The following HIVEP3 variants were observed in gnomAD, a reference collection of about 807,000 sequenced individuals.
The protein encoded by HIVEP3 is HIVEP zinc finger 3.
In HIVEP3, 49 loss-of-function variants were observed where a neutral mutation model predicts 152.8. The ratio of observed to expected loss-of-function variants is 0.32; its 90% confidence interval spans 0.26 to 0.41. HIVEP3 has a LOEUF of 0.41. Ranked by LOEUF, HIVEP3 falls within the 10% of genes least tolerant of loss-of-function variation. HIVEP3 has a pLI of 1.00. For missense variants in HIVEP3, 2,790 were observed against 3,103.3 expected, an observed-to-expected ratio of 0.90 and a Z score of 2.40; for synonymous variants, 1,269 against 1,289.0, an observed-to-expected ratio of 0.98 and a Z score of 0.33.
chr1:41,839,985 C>T (rs906251742), intron 1 of HIVEP3, among the ~76,000 whole-genome samples: 2 of 152,204 alleles, frequency 1.3e-5, no homozygotes, highest in African/African-American at 4.8e-5. Flanking sequence ...TCCTTAGCCA[C>T]ACTGGGCATA....
chr1:41,881,737 A>G (rs909290882), intron 1 of HIVEP3, among the ~76,000 whole-genome samples: 1 of 152,252 alleles, frequency 6.6e-6, no homozygotes. Context: ...CACTCAGCCC[A>G]GGGCATGCTC....
At chr1:41,569,190 C>T (rs1278246066) in intron 5 of HIVEP3, among the ~76,000 whole-genome samples, 27 of 152,156 alleles carry the variant, frequency 1.8e-4, no homozygotes, top group Non-Finnish European at 3.4e-4. Context: ...TATAAATTTC[C>T]CAGTCTTCAG....
chr1:41,511,693 C>G lies in HIVEP3; in HGVS notation c.6406-427G>C, dbSNP rs1445717337. On this transcript the variant is annotated intron_variant, in intron 8 of 8. Coordinates refer to ENST00000372583, the MANE Select transcript of HIVEP3 (RefSeq NM_024503.5). This position sits in a 1 kb window ranked among gnomAD's most constrained non-coding sequence, Gnocchi z 4.9. The stretch of plus-strand genomic sequence containing the variant: ...CTGAGGCTCTTTGCCCTTCTGCTAC[C>G]TCCAGGAATTTGAATGTGAACCCAA... Among the ~76,000 whole-genome samples, 1 of 152,184 alleles carries G rather than the reference C, an allele frequency of 6.6e-6. No homozygotes were observed. Among genetic ancestry groups the G allele is most frequent in the Admixed American group, 6.5e-5 (1 of 15,282 alleles).
chr1:41,521,734 T>C (rs1019916440), intron 6 of HIVEP3, among the ~76,000 whole-genome samples: 1 of 152,128 alleles, frequency 6.6e-6, no homozygotes, highest in African/African-American at 2.4e-5. Context: ...AGGCGGAACC[T>C]CCGATAAAAG....
chr1:41,962,797 A>G (rs1645176003), intron 1 of HIVEP3, among the ~76,000 whole-genome samples: 1 of 152,198 alleles, frequency 6.6e-6, no homozygotes, highest in Admixed American at 6.5e-5. Flanking sequence ...GCATTTTATC[A>G]CTACTACCCT....
chr1:41,608,826 C>T (rs1644857310), intron 3 of HIVEP3, among the ~76,000 whole-genome samples: 1 of 151,158 alleles, frequency 6.6e-6, no homozygotes, highest in African/African-American at 2.4e-5. Flanking sequence ...AATCCCAGCA[C>T]TTTGGGAGGC....
intron 1 of HIVEP3, among the ~76,000 whole-genome samples, chr1:42,023,335 G>A (rs1269599540): frequency 2.0e-5 from 3 of 152,212 alleles, no homozygotes; most frequent in African/African-American, 7.2e-5. Context: ...TAATGTTTTT[G>A]GAATTTTATT....
chr1:41,911,468 A>G (rs1322814830), intron 1 of HIVEP3, among the ~76,000 whole-genome samples: 1 of 152,220 alleles, frequency 6.6e-6, no homozygotes, highest in Non-Finnish European at 1.5e-5. Flanking sequence ...AACTCATATG[A>G]CACCATAGAA....
chr1:41,648,329 C>T (rs13375774), intron 2 of HIVEP3, among the ~76,000 whole-genome samples: 17,160 of 152,008 alleles, frequency 0.11, 1,188 homozygotes, highest in African/African-American at 0.19. Flanking sequence ...GAGCATGCAT[C>T]GGCACATTTC....
At chr1:41,660,533 A>G (rs1168723570) in intron 2 of HIVEP3, among the ~76,000 whole-genome samples, 1 of 152,122 alleles carries the variant, frequency 6.6e-6, no homozygotes, top group Non-Finnish European at 1.5e-5. Flanking sequence ...TAGCTGTGTG[A>G]CCTCAGATGA....
rs189038763 is a variant in HIVEP3, at chr1:41,879,438, C to A, written c.-801+38975G>T. ...ACTTTCCACTGCACAGGATACCTTGCAGCCATTTGGTTTTGAATGACCTTC... is the reference window on the plus strand; with the variant it reads ...ACTTTCCACTGCACAGGATACCTTGAAGCCATTTGGTTTTGAATGACCTTC... On this transcript the variant is annotated intron_variant, in intron 1 of 8. Transcript: ENST00000372583. 7.4e-4 allele frequency among the ~76,000 whole-genome samples: 113 copies of A among 152,342 alleles called. 1 individual carries two copies. Among genetic ancestry groups the A allele is most frequent in the African/African-American group, 2.6e-3 (107 of 41,578 alleles).
intron 7 of HIVEP3, among the ~76,000 whole-genome samples, chr1:41,517,688 C>G (rs187662380): frequency 4.0e-4 from 61 of 152,276 alleles, no homozygotes; most frequent in African/African-American, 1.4e-3. Context: ...ACCACCAAAG[C>G]CCCTCTGGCC....
chr1:41,673,018 G>C (rs1166780790), intron 2 of HIVEP3, among the ~76,000 whole-genome samples: 1 of 152,228 alleles, frequency 6.6e-6, no homozygotes, highest in Non-Finnish European at 1.5e-5. Context: ...AATATGTAAA[G>C]CCAGGCCACA....
chr1:41,921,815 G>C (rs377136409), upstream of HIVEP3, among the ~76,000 whole-genome samples: 1 of 152,170 alleles, frequency 6.6e-6, no homozygotes, highest in East Asian at 1.9e-4. Context: ...TCTTTGGAAA[G>C]TGAGAGGTTT....
intron 1 of HIVEP3, among the ~76,000 whole-genome samples, chr1:41,947,746 T>C (rs1200764122): frequency 6.6e-6 from 1 of 152,216 alleles, no homozygotes; most frequent in South Asian, 2.1e-4. Context: ...TTGCAACCCA[T>C]GGCATACCTG....
At chr1:41,801,880 G>C (rs931324769) in intron 1 of HIVEP3, among the ~76,000 whole-genome samples, 2 of 152,198 alleles carry the variant, frequency 1.3e-5, no homozygotes, top group African/African-American at 4.8e-5. Context: ...TCGTTGCTTT[G>C]ACCCCAAAAG....
At chr1:41,914,817 T>G (rs889099510) in intron 1 of HIVEP3, among the ~76,000 whole-genome samples, 1 of 152,234 alleles carries the variant, frequency 6.6e-6, no homozygotes, top group African/African-American at 2.4e-5. Flanking sequence ...GCTCCATCTT[T>G]TCCATCACCA....
At chr1:41,881,024 C>T (rs1644252677) in intron 1 of HIVEP3, among the ~76,000 whole-genome samples, 1 of 152,144 alleles carries the variant, frequency 6.6e-6, no homozygotes. Flanking sequence ...AATACTGAAT[C>T]GCAATATTCC....
intron 1 of HIVEP3, among the ~76,000 whole-genome samples, chr1:41,729,692 G>C (rs935846558): frequency 6.6e-6 from 1 of 152,218 alleles, no homozygotes; most frequent in East Asian, 1.9e-4. Context: ...GCAGCCCTAG[G>C]CTTGGGACCA....
Sources: gnomAD v4.1 joint callset for allele counts (sites outside exome capture counted in the v4.1 genomes callset) on GRCh38, gnomAD v4.1.1 for gene constraint, Gnocchi (gnomAD v3.1) non-coding constraint, MANE v1.5 for transcripts, NCBI Gene and HGNC (gene_info 2026-07-23, HGNC 2026-07-21) for gene names.